PIP5K1B: variants seen among roughly 807,000 people sequenced by gnomAD.
PIP5K1B encodes the protein phosphatidylinositol-4-phosphate 5-kinase type 1 beta.
A neutral mutation model predicts 67.0 loss-of-function variants in PIP5K1B; 42 were observed. That is an observed-to-expected ratio of 0.63 (90% CI 0.49 to 0.81). The LOEUF is 0.81. PIP5K1B is among the 30% of genes least tolerant of loss of function. PIP5K1B has a pLI of 0.00. For synonymous variants in PIP5K1B, 214 were observed against 231.4 expected, an observed-to-expected ratio of 0.92 and a Z score of 0.68; for missense variants, 459 against 646.3, an observed-to-expected ratio of 0.71 and a Z score of 3.14.
At chr9:68,876,165 C>T (rs1222221727) in intron 5 of PIP5K1B, among the ~76,000 whole-genome samples, 2 of 152,042 alleles carry the variant, frequency 1.3e-5, no homozygotes, top group African/African-American at 4.8e-5. Flanking sequence ...GTAAGGTCTC[C>T]TTTTTTGGAA....
intron 2 of PIP5K1B, among the ~76,000 whole-genome samples, chr9:68,775,841 A>G (rs1830890765): frequency 6.6e-6 from 1 of 152,130 alleles, no homozygotes; most frequent in African/African-American, 2.4e-5. Flanking sequence ...TTATATTGTA[A>G]CTCATCCATG....
intron 9 of PIP5K1B, among the ~76,000 whole-genome samples, chr9:68,918,594 A>G (rs992022148): frequency 3.5e-4 from 53 of 152,334 alleles, no homozygotes; most frequent in African/African-American, 1.3e-3. Flanking sequence ...CAACCAAAGT[A>G]AGTTATTGAA....
In PIP5K1B at chr9:68,926,026, C is replaced by T. The variant is rs187017167; in HGVS notation, c.1201+2640C>T. On this transcript the variant is annotated intron_variant, in intron 12 of 15. Transcript: ENST00000265382. Reference sequence around the variant, plus strand: ...GGCCAGGCTGTCTTGAACTCCCAGCCTCAAGCGACCCACCCACCTCAGCCT... The same window carrying T: ...GGCCAGGCTGTCTTGAACTCCCAGCTTCAAGCGACCCACCCACCTCAGCCT... Among the ~76,000 whole-genome samples the T allele has an allele frequency of 3.3e-5, 5 of 151,836 alleles. No individual in the cohort carries two copies. In the East Asian group the frequency reaches 9.7e-4, roughly 29 times the overall value.
chr9:68,846,924 G>T (rs7037584), intron 4 of PIP5K1B, among the ~76,000 whole-genome samples: 151,576 of 152,332 alleles, frequency 1, 75,415 homozygotes, highest in Middle Eastern at 1. Context: ...ATTTATTATA[G>T]TCCTCATTAT....
chr9:68,997,563 C>G (rs78157304), intron 15 of PIP5K1B, among the ~76,000 whole-genome samples: 8,029 of 152,216 alleles, frequency 0.053, 211 homozygotes, highest in East Asian at 0.088. Flanking sequence ...TTCCTTCTGC[C>G]AGGTGATCAC....
At position 68,896,062 on chromosome 9, in the gene PIP5K1B, C is replaced by T. The variant is rs1304963849; in HGVS notation, c.771+1424C>T. Among the ~76,000 whole-genome samples the T allele has an allele frequency of 6.6e-5, 10 of 152,046 alleles. No homozygotes were observed. The South Asian group carries it at 1.0e-3, about 16-fold the overall frequency. ...GAGCAGTAGGAACCAAGCAAACAGA[C>T]GAACAAAAAACGTCCAGCAGATATT... On this transcript the variant is annotated intron_variant, in intron 8 of 15. Coordinates refer to ENST00000265382, the MANE Select transcript of PIP5K1B (RefSeq NM_003558.4).
chr9:68,735,482 G>A (rs1410067985), intron 1 of PIP5K1B, among the ~76,000 whole-genome samples: 4 of 151,826 alleles, frequency 2.6e-5, no homozygotes, highest in South Asian at 2.1e-4. Context: ...TCTGACTCCC[G>A]GGTTCAAGCT....
At chr9:68,904,757 C>T (rs1587644978) in intron 8 of PIP5K1B, among the ~76,000 whole-genome samples, 3 of 147,668 alleles carry the variant, frequency 2.0e-5, no homozygotes, top group African/African-American at 2.5e-5. Context: ...CAGTAGTTTG[C>T]TTTTTTTTTT....
At chr9:68,862,335 T>C (rs1823130937) in intron 4 of PIP5K1B, among the ~76,000 whole-genome samples, 1 of 152,198 alleles carries the variant, frequency 6.6e-6, no homozygotes, top group Admixed American at 6.5e-5. Flanking sequence ...GAAAAGAATC[T>C]GCGAGCCATC....
chr9:68,940,771 C>T lies in PIP5K1B; in HGVS notation c.1483C>T (p.Pro495Ser), dbSNP rs759931175. Residue 495 changes from proline to serine, a missense_variant, in exon 14 of 16, where the codon CCT (proline) becomes TCT (serine). By Grantham distance (74) the Pro-to-Ser change is moderately conservative. Coordinates refer to ENST00000265382, the MANE Select transcript of PIP5K1B (RefSeq NM_003558.4). ...YVNEHYPHDR[P>S]TLYSNSKGLP... Reference sequence around the variant, plus strand: ...CAATGAGCACTATCCACACGACAGGCCTACACTCTATTCAAACAGGTAATA... The same window carrying T: ...CAATGAGCACTATCCACACGACAGGTCTACACTCTATTCAAACAGGTAATA... 1.2e-6 allele frequency: 2 copies of T among 1,613,834 alleles called. No homozygotes were observed. The highest frequency in any genetic ancestry group is 1.7e-6 in the Non-Finnish European group (2 of 1,179,766).
chr9:68,949,725 C>T (rs1009015478), intron 14 of PIP5K1B, among the ~76,000 whole-genome samples: 2 of 152,184 alleles, frequency 1.3e-5, no homozygotes, highest in Non-Finnish European at 2.9e-5. Context: ...ATATGTGAAT[C>T]GGGCAGCCCC....
intron 14 of PIP5K1B, among the ~76,000 whole-genome samples, chr9:68,976,822 T>G (rs1829651667): frequency 1.3e-5 from 2 of 152,224 alleles, no homozygotes; most frequent in Admixed American, 1.3e-4. Context: ...TAGGCAGTAA[T>G]GCTCACTCAC....
chr9:68,888,623 A>G (rs560970244), intron 6 of PIP5K1B, among the ~76,000 whole-genome samples: 6 of 152,354 alleles, frequency 3.9e-5, no homozygotes, highest in African/African-American at 1.4e-4. Context: ...AACACAGTGC[A>G]GTTCACATCT....
At chr9:68,923,008 G>A (rs1470102292) in intron 11 of PIP5K1B, among the ~76,000 whole-genome samples, 2 of 152,150 alleles carry the variant, frequency 1.3e-5, no homozygotes, top group Non-Finnish European at 2.9e-5. Context: ...GGGACACAAT[G>A]TTATGAATAA....
At chr9:68,792,667 G>T (rs1333927139) in intron 2 of PIP5K1B, among the ~76,000 whole-genome samples, 1 of 152,138 alleles carries the variant, frequency 6.6e-6, no homozygotes, top group Non-Finnish European at 1.5e-5. Context: ...TTTTAGTAGA[G>T]ACAGGGTTTC....
chr9:68,840,147 C>T (rs779993125), intron 4 of PIP5K1B, among the ~76,000 whole-genome samples: 1 of 152,168 alleles, frequency 6.6e-6, no homozygotes, highest in South Asian at 2.1e-4. Flanking sequence ...GAGGCCAAGG[C>T]GGGCAGATCA....
At chr9:68,933,650 G>A (rs990246532) in intron 12 of PIP5K1B, among the ~76,000 whole-genome samples, 36 of 152,122 alleles carry the variant, frequency 2.4e-4, no homozygotes, top group African/African-American at 6.8e-4. Context: ...CTAAAAAAGG[G>A]CCTTCCTCTT....
chr9:68,798,750 AC>A (rs1330037749), intron 2 of PIP5K1B, among the ~76,000 whole-genome samples: 1 of 152,212 alleles, frequency 6.6e-6, no homozygotes, highest in Non-Finnish European at 1.5e-5. Context: ...ACAAGGCCTA[AC>A]CTGAACTGAT....
At chr9:68,897,050 G>A (rs1416544042) in intron 8 of PIP5K1B, among the ~76,000 whole-genome samples, 1 of 152,094 alleles carries the variant, frequency 6.6e-6, no homozygotes, top group Non-Finnish European at 1.5e-5. Context: ...GGTTGACATC[G>A]CCCCAATATT....
Sources: gnomAD v4.1 joint callset for allele counts (sites outside exome capture counted in the v4.1 genomes callset) on GRCh38, gnomAD v4.1.1 for gene constraint, MANE v1.5 for transcripts, NCBI Gene and HGNC (gene_info 2026-07-23, HGNC 2026-07-21) for gene names.